Variants in EIF4A3 observed in about 807,000 individuals in gnomAD.
EIF4A3 encodes the protein eukaryotic translation initiation factor 4A3, also known as eukaryotic initiation factor 4A-III.
EIF4A3 carries 1 observed loss-of-function variant against 55.6 expected under a neutral mutation model. The ratio of observed to expected loss-of-function variants is 0.02; its 90% CI spans 0.01 to 0.09. The LOEUF is 0.09. Among genes scored for constraint, EIF4A3 ranks in the 10% least tolerant of loss-of-function variants. The pLI is 1.00. For synonymous variants in EIF4A3, 194 were observed against 196.3 expected (o/e 0.99, Z 0.10); for missense variants, 221 against 540.7 (o/e 0.41, Z 5.86).
At chr17:80,145,792 C>T (rs920808608) in intron 1 of EIF4A3, among the ~76,000 whole-genome samples, 8 of 152,056 alleles carry the variant, frequency 5.3e-5, no homozygotes, top group Non-Finnish European at 1.0e-4. Context: ...ATGTTTGCAG[C>T]ATCAACCACC....
At chr17:80,137,644 G>C in intron 8 of EIF4A3, 143 bp from the exon 9 acceptor site, 1 of 668,134 alleles carries the variant, frequency 1.5e-6, no homozygotes, top group Non-Finnish European at 2.5e-6. Context: ...ATCCTAACTG[G>C]ATGTAAAAAC....
chr17:80,147,059 A>ACCTCGCTGTGCCGCTGCCGC lies in EIF4A3; in HGVS notation c.-99_-98insGCGGCAGCGGCACAGCGAGG. On this transcript the variant is annotated 5_prime_UTR_variant, in exon 1 of 12. Transcript: ENST00000649764. ...GCTGCCGACCTCGCTGCCGCTGCCG[A>ACCTCGCTGTGCCGCTGCCGC]CCTCGCTGTGCCGCTGCCGACCTCG... 2 of 1,318,388 alleles carry ACCTCGCTGTGCCGCTGCCGC rather than the reference A, an allele frequency of 1.5e-6. No homozygotes were observed. Among genetic ancestry groups the ACCTCGCTGTGCCGCTGCCGC allele is most frequent in the Non-Finnish European group, 1.9e-6 (2 of 1,031,062 alleles). The allele number at this position is 1,318,388 out of a possible 1,614,324, so 81.7% of individuals were successfully genotyped here. A position where few individuals can be genotyped will look rare whatever the true frequency, so the allele number is the denominator to read the frequency against.
chr17:80,142,015 CTTG>C (rs958788574), intron 2 of EIF4A3, among the ~76,000 whole-genome samples, 167 bp from the exon 3 acceptor site: 6 of 152,216 alleles, frequency 3.9e-5, no homozygotes, highest in Non-Finnish European at 7.3e-5. Context: ...AGTGTCACAG[CTTG>C]TTAAGTGTCC....
Position 80,144,152 on chromosome 17 carries a change from C to A in EIF4A3, c.242+20G>T. The A allele has an allele frequency of 6.2e-7, 1 of 1,612,942 alleles. No homozygotes were observed. The highest frequency in any genetic ancestry group is 1.1e-5 in the South Asian group (1 of 91,044). On this transcript the variant is annotated intron_variant, in intron 2 of 11. Transcript: ENST00000649764. ...CCCAAATTTACATCCAGCCCTGCGC[C>A]GCACCCCAGGACAACTTACTGTGCG... is the stretch of plus-strand genomic sequence containing the variant.
intron 1 of EIF4A3, among the ~76,000 whole-genome samples, chr17:80,145,740 G>C (rs2039653839): frequency 6.6e-6 from 1 of 152,066 alleles, no homozygotes; most frequent in Non-Finnish European, 1.5e-5. Flanking sequence ...CCAAGAGACA[G>C]CTCCTGATTC....
At position 80,144,256 on chromosome 17, in the gene EIF4A3, A is replaced by C. The variant is rs2039640805; in HGVS notation, c.170-12T>G. 4 of 1,613,890 alleles carry C rather than the reference A, an allele frequency of 2.5e-6. No homozygotes were observed. The highest frequency in any genetic ancestry group is 1.3e-5 in the African/African-American group (1 of 74,990). On this transcript the variant is annotated splice_polypyrimidine_tract_variant and intron_variant, in intron 1 of 11. Transcript: ENST00000649764. ...TGGTTTTTCAAAACCTGCAAATAAA[A>C]ACAAAAAATTAGCCCTCACCACAAT...
intron 1 of EIF4A3, among the ~76,000 whole-genome samples, chr17:80,146,146 C>A (rs999483410): frequency 6.6e-6 from 1 of 152,212 alleles, no homozygotes; most frequent in Non-Finnish European, 1.5e-5. Flanking sequence ...CAAAATCCCA[C>A]CACAGGGGAC....
At position 80,139,995 on chromosome 17, in the gene EIF4A3, CAA is replaced by C. The variant is rs1314084352; in HGVS notation, c.505+11_505+12del. On this transcript the variant is annotated intron_variant, in intron 5 of 11. Transcript: ENST00000649764. ...CTACCGGCAGCACCATTTTTAGCGA[CAA>C]AAGTGCTTACCAAAAACACGCCCTG... The C allele has an allele frequency of 3.7e-6, 6 of 1,608,422 alleles. No homozygotes were observed. The highest frequency in any genetic ancestry group is 1.7e-5 in the Admixed American group (1 of 58,758).
intron 1 of EIF4A3, among the ~76,000 whole-genome samples, chr17:80,145,791 G>C (rs1156728497): frequency 1.3e-5 from 2 of 151,938 alleles, no homozygotes; most frequent in Non-Finnish European, 2.9e-5. Flanking sequence ...AATGTTTGCA[G>C]CATCAACCAC....
chr17:80,138,406 G>T, intron 7 of EIF4A3, 126 bp from the exon 8 acceptor site: 3 of 1,153,168 alleles, frequency 2.6e-6, no homozygotes, highest in South Asian at 2.8e-5. Flanking sequence ...TGCAGACCCA[G>T]CAGCCCCAGC....
At chr17:80,146,093 G>T (rs921676691) in intron 1 of EIF4A3, among the ~76,000 whole-genome samples, 1 of 151,464 alleles carries the variant, frequency 6.6e-6, no homozygotes, top group East Asian at 1.9e-4. Context: ...CAAATTATTC[G>T]TCACCCTACA....
chr17:80,135,927 AAAAC>A, intron 11 of EIF4A3, 73 bp downstream of exon 11: 5 of 1,552,574 alleles, frequency 3.2e-6, no homozygotes, highest in Non-Finnish European at 4.3e-6. Flanking sequence ...CAACAACAAA[AAAAC>A]AAACTCAGGT....
chr17:80,139,566 C>A (rs533411191), intron 6 of EIF4A3, 104 bp downstream of exon 6: 38 of 981,930 alleles, frequency 3.9e-5, no homozygotes, highest in Middle Eastern at 3.0e-4. Flanking sequence ...GATGAAAACA[C>A]TATTCACATT....
chr17:80,139,629 G>C, intron 6 of EIF4A3, 41 bp downstream of exon 6: 1 of 1,550,596 alleles, frequency 6.4e-7, no homozygotes, highest in Non-Finnish European at 8.9e-7. Flanking sequence ...TAAGAACTAA[G>C]AATTATGTCA....
At position 80,135,344 on chromosome 17, in the gene EIF4A3, T is replaced by C. The variant is rs2039561782; in HGVS notation, c.*146A>G. 4 of 774,822 alleles carry C rather than the reference T, an allele frequency of 5.2e-6. No individual in the cohort carries two copies. The highest frequency in any genetic ancestry group is 3.5e-5 in the Admixed American group (1 of 28,818). The allele number at this position is 774,822 out of a possible 1,614,324, so 48.0% of individuals were successfully genotyped here. A position where few individuals can be genotyped will look rare whatever the true frequency, so the allele number is the denominator to read the frequency against. Reference sequence around the variant, plus strand: ...ATAAGAAAAGAGAGCAGAATCCCCATATCCTCTTCAAAGGAAGGGAGACGG... The same window carrying C: ...ATAAGAAAAGAGAGCAGAATCCCCACATCCTCTTCAAAGGAAGGGAGACGG... On this transcript the variant is annotated 3_prime_UTR_variant, in exon 12 of 12. Transcript: ENST00000649764.
At chr17:80,137,265 T>G (rs777072959) in intron 9 of EIF4A3, 121 bp downstream of exon 9, 16 of 826,192 alleles carry the variant, frequency 1.9e-5, no homozygotes, top group Admixed American at 1.9e-4. Context: ...GGGCCTCAGC[T>G]TTCAGAGCAG....
chr17:80,139,992 C>T lies in EIF4A3; in HGVS notation c.505+16G>A, dbSNP rs185675622. On this transcript the variant is annotated intron_variant, in intron 5 of 11. Transcript: ENST00000649764. ...ATACTACCGGCAGCACCATTTTTAG[C>T]GACAAAAGTGCTTACCAAAAACACG... 3.7e-6 allele frequency: 6 copies of T among 1,605,698 alleles called. No individual in the cohort carries two copies. The highest frequency in any genetic ancestry group is 4.3e-6 in the Non-Finnish European group (5 of 1,175,862).
At chr17:80,139,328 G>A (rs2039599295) in intron 6 of EIF4A3, 166 bp from the exon 7 acceptor site, 13 of 865,476 alleles carry the variant, frequency 1.5e-5, no homozygotes, top group East Asian at 2.7e-5. Context: ...CGTTCTCTCC[G>A]TCCCTACTCC....
chr17:80,144,967 T>C (rs1232796491), intron 1 of EIF4A3, among the ~76,000 whole-genome samples: 1 of 152,232 alleles, frequency 6.6e-6, no homozygotes, highest in African/African-American at 2.4e-5. Context: ...CAATTATTTT[T>C]TGGTAGTCTC....
Sources: allele counts gnomAD v4.1 joint callset (sites outside exome capture counted in the v4.1 genomes callset), GRCh38; gene constraint gnomAD v4.1.1; transcripts MANE v1.5; gene names NCBI Gene and HGNC (gene_info 2026-07-23, HGNC 2026-07-21).